The following TRAPPC9 variants were observed in gnomAD, a reference collection of about 807,000 sequenced individuals.
TRAPPC9 encodes IKK2 binding protein.
TRAPPC9 carries 83 observed loss-of-function variants against 124.0 expected under a neutral mutation model. The ratio of observed to expected loss-of-function variants is 0.67; its 90% CI spans 0.56 to 0.80. The LOEUF is 0.80. Ranked by LOEUF, TRAPPC9 falls within the 30% of genes least tolerant of loss-of-function variation. The probability of loss-of-function intolerance (pLI) is 0.00; values close to 1 mark genes in which losing one functional copy is unlikely to be tolerated. For synonymous variants in TRAPPC9, 638 were observed against 617.5 expected, an observed-to-expected ratio of 1.03 and a Z score of -0.49; for missense variants, 1,302 against 1,508.3, an observed-to-expected ratio of 0.86 and a Z score of 2.27.
chr8:139,905,392 G>A (rs1831290863), intron 20 of TRAPPC9, among the ~76,000 whole-genome samples: 2 of 152,238 alleles, frequency 1.3e-5, no homozygotes, highest in Admixed American at 1.3e-4. Flanking sequence ...AAGGATAAAT[G>A]CACAAAGACA....
Position 140,371,170 on chromosome 8 carries a change from TC to T in TRAPPC9, c.1144del (p.Glu382LysfsTer16). Reference sequence around the variant, plus strand: ...GATGCTGTAGCGCTGAATTTTCTCTTCCTCAGAAAGCTGAAGCACAGAGAGA... The same window carrying T: ...GATGCTGTAGCGCTGAATTTTCTCTTCTCAGAAAGCTGAAGCACAGAGAGA... The part of the protein sequence containing the change: ...VYINLRQLSE[E>X]EKIQRYSILS... On this transcript the variant is annotated frameshift_variant, in exon 8 of 23. Coordinates refer to ENST00000438773, the MANE Select transcript of TRAPPC9 (RefSeq NM_001160372.4). LOFTEE classifies it high-confidence loss of function. 4 of 1,612,314 alleles carry T rather than the reference TC, an allele frequency of 2.5e-6. No homozygotes were observed. The highest frequency in any genetic ancestry group is 3.4e-6 in the Non-Finnish European group (4 of 1,179,210).
rs916540440 is a variant in TRAPPC9, at chr8:140,222,322, A to T, written c.2432-739T>A. 4.6e-5 allele frequency among the ~76,000 whole-genome samples: 7 copies of T among 152,292 alleles called. No homozygotes were observed. In the East Asian group the frequency reaches 1.2e-3, roughly 25 times the overall value. Reference sequence around the variant, plus strand: ...GGTTTTTTTCTTACTTGTTAACAGTATCTATCGATTGACGGGTCTAACCCA... The same window carrying T: ...GGTTTTTTTCTTACTTGTTAACAGTTTCTATCGATTGACGGGTCTAACCCA... On this transcript the variant is annotated intron_variant, in intron 16 of 22. Transcript: ENST00000438773.
At chr8:139,791,848 C>T (rs964246975) in intron 21 of TRAPPC9, among the ~76,000 whole-genome samples, 7 of 152,202 alleles carry the variant, frequency 4.6e-5, no homozygotes, top group African/African-American at 1.2e-4. Context: ...GCATGGGATG[C>T]GGCTCCGCAA....
intron 18 of TRAPPC9, among the ~76,000 whole-genome samples, chr8:139,994,952 A>G (rs918996035): frequency 2.7e-5 from 4 of 149,408 alleles, no homozygotes; most frequent in African/African-American, 7.4e-5. Flanking sequence ...GAGAGTTTTA[A>G]GCAGATGAGT....
chr8:140,103,381 G>C (rs2060613735), intron 17 of TRAPPC9, among the ~76,000 whole-genome samples: 1 of 152,172 alleles, frequency 6.6e-6, no homozygotes, highest in Non-Finnish European at 1.5e-5. Context: ...GTGAGGCAGC[G>C]CCTCTCATCA....
At chr8:140,001,422 G>A (rs1161666436) in intron 18 of TRAPPC9, among the ~76,000 whole-genome samples, 7 of 151,680 alleles carry the variant, frequency 4.6e-5, no homozygotes, top group South Asian at 2.1e-4. Context: ...ACCGGACAAA[G>A]AACAAATGCT....
Position 140,102,473 on chromosome 8 carries a change from C to CCACA in TRAPPC9, c.2557-78398_2557-78395dup, listed in dbSNP as rs60084618. Among the ~76,000 whole-genome samples, 257 of 149,382 alleles carry CCACA rather than the reference C, an allele frequency of 1.7e-3. 1 individual carries two copies. The highest frequency in any genetic ancestry group is 4.2e-3 in the African/African-American group (173 of 40,926). On this transcript the variant is annotated intron_variant, in intron 17 of 22. Transcript: ENST00000438773. ...TAAATAAAATACCAGCCTCCCCCCA[C>CCACA]CACACACACACACACACACACGCAT...
At chr8:140,129,958 C>T (rs909773536) in intron 17 of TRAPPC9, among the ~76,000 whole-genome samples, 1 of 152,212 alleles carries the variant, frequency 6.6e-6, no homozygotes, top group Non-Finnish European at 1.5e-5. Flanking sequence ...CCAACTGTGG[C>T]TTCGGAGGAA....
intron 19 of TRAPPC9, among the ~76,000 whole-genome samples, chr8:139,935,198 C>T (rs1833434905): frequency 6.6e-6 from 1 of 152,160 alleles, no homozygotes; most frequent in African/African-American, 2.4e-5. Context: ...TGTCCTAGAA[C>T]CCCAAAATGG....
At chr8:140,103,013 A>G (rs956826195) in intron 17 of TRAPPC9, among the ~76,000 whole-genome samples, 5 of 152,184 alleles carry the variant, frequency 3.3e-5, no homozygotes, top group African/African-American at 1.2e-4. Context: ...GCACCCAGTG[A>G]TGAAATGAAG....
intron 4 of TRAPPC9, among the ~76,000 whole-genome samples, chr8:140,432,217 T>G (rs749589110): frequency 6.6e-6 from 1 of 152,084 alleles, no homozygotes; most frequent in Middle Eastern, 3.4e-3. Flanking sequence ...GGTAACAAAT[T>G]TAATTGTTGG....
chr8:140,044,521 T>G (rs1265953117), intron 17 of TRAPPC9, among the ~76,000 whole-genome samples: 1 of 152,208 alleles, frequency 6.6e-6, no homozygotes, highest in African/African-American at 2.4e-5. Flanking sequence ...CTGTAAAAAT[T>G]GGCATTATAA....
intron 9 of TRAPPC9, among the ~76,000 whole-genome samples, chr8:140,317,371 T>G (rs981888147): frequency 5.3e-5 from 8 of 152,336 alleles, no homozygotes; most frequent in African/African-American, 1.9e-4. Context: ...CCCTTCTGGT[T>G]GGTTCCTGTG....
At chr8:140,255,577 A>G (rs2064233402) in intron 15 of TRAPPC9, among the ~76,000 whole-genome samples, 1 of 152,200 alleles carries the variant, frequency 6.6e-6, no homozygotes, top group Non-Finnish European at 1.5e-5. Context: ...ATGAATCCCT[A>G]CATTCAGATG....
At chr8:140,075,974 G>C (rs533891436) in intron 17 of TRAPPC9, among the ~76,000 whole-genome samples, 8 of 152,042 alleles carry the variant, frequency 5.3e-5, no homozygotes, top group African/African-American at 1.9e-4. Context: ...CAACGATAAC[G>C]AGAAGAGCAG....
At chr8:139,770,204 C>T (rs11781877) in intron 21 of TRAPPC9, among the ~76,000 whole-genome samples, 7,030 of 152,326 alleles carry the variant, frequency 0.046, 217 homozygotes, top group South Asian at 0.12. Context: ...GGCAGCCTGG[C>T]TCAGAGGGCA....
intron 17 of TRAPPC9, among the ~76,000 whole-genome samples, chr8:140,172,761 A>G (rs1009782008): frequency 2.6e-5 from 4 of 152,216 alleles, no homozygotes; most frequent in African/African-American, 9.7e-5. Context: ...ATTAAAAATA[A>G]TTCTCCTAAC....
intron 13 of TRAPPC9, among the ~76,000 whole-genome samples, chr8:140,284,807 G>A (rs564528382): frequency 3.1e-4 from 47 of 152,124 alleles, no homozygotes; most frequent in East Asian, 9.6e-4. Context: ...AGTCAGCCCC[G>A]TGCTCACCTC....
chr8:139,730,628 C>T lies in TRAPPC9; in HGVS notation c.*433G>A, dbSNP rs934728624. 5.1e-6 allele frequency: 1 copy of T among 197,002 alleles called. No homozygotes were observed. The highest frequency in any genetic ancestry group is 1.0e-5 in the Non-Finnish European group (1 of 95,338). 12.2% of individuals were successfully genotyped at this position (197,002 alleles called of 1,614,324 possible). On this transcript the variant is annotated 3_prime_UTR_variant, in exon 23 of 23. Transcript: ENST00000438773. ...CAGGGAGGGTGGGAAGCTGCCCACG[C>T]CCTCAGGCTGTGCCCAGTCTCATGC...
Sources: gnomAD v4.1 joint callset for allele counts (sites outside exome capture counted in the v4.1 genomes callset) on GRCh38, gnomAD v4.1.1 for gene constraint, MANE v1.5 for transcripts, NCBI Gene and HGNC (gene_info 2026-07-23, HGNC 2026-07-21) for gene names.